The following SIRPB1 variants were observed in gnomAD, a reference collection of about 807,000 sequenced individuals.
The protein encoded by SIRPB1 is signal-regulatory protein beta-1.
Under a neutral mutation model 34.1 loss-of-function variants are expected in SIRPB1, and 28 were observed. The ratio of observed to expected loss-of-function variants is 0.82; its 90% confidence interval spans 0.61 to 1.12. The LOEUF is 1.12. SIRPB1 is among the 50% of genes most tolerant of loss of function. SIRPB1 has a pLI of 0.00. For synonymous variants in SIRPB1, 211 were observed against 203.8 expected, an observed-to-expected ratio of 1.04 and a Z score of -0.30; for missense variants, 499 against 507.0, an observed-to-expected ratio of 0.98 and a Z score of 0.15.
In SIRPB1 at chr20:1,562,439, C is replaced by A. The variant is rs1600083098; in HGVS notation, c.*3061G>T. Among the ~76,000 whole-genome samples, 1 of 151,930 alleles carries A rather than the reference C, an allele frequency of 6.6e-6. No homozygotes were observed. The highest frequency in any genetic ancestry group is 2.1e-4 in the South Asian group (1 of 4,820). On this transcript the variant is annotated 3_prime_UTR_variant, in exon 6 of 6. Coordinates refer to ENST00000381605, the MANE Select transcript of SIRPB1 (RefSeq NM_006065.5). Reference sequence around the variant, plus strand: ...ACTGAGGATACAGATAATCCTCCCCCACCCCCAACCCCCCACGATATAACT... The same window carrying A: ...ACTGAGGATACAGATAATCCTCCCCAACCCCCAACCCCCCACGATATAACT...
intron 1 of SIRPB1, among the ~76,000 whole-genome samples, chr20:1,619,065 G>A (rs1176250688): frequency 1.3e-5 from 2 of 152,180 alleles, no homozygotes; most frequent in African/African-American, 4.8e-5. Flanking sequence ...CACACACAGA[G>A]GAAGATCATG....
intron 1 of SIRPB1, among the ~76,000 whole-genome samples, chr20:1,617,996 T>TAC (rs202130637): frequency 1.9e-4 from 29 of 152,030 alleles, no homozygotes; most frequent in African/African-American, 3.1e-4. Context: ...TATGTATATA[T>TAC]ACACACACAC....
intron 2 of SIRPB1, among the ~76,000 whole-genome samples, chr20:1,577,795 C>T (rs1338341290): frequency 1.4e-5 from 2 of 146,850 alleles, no homozygotes; most frequent in East Asian, 1.9e-4. Flanking sequence ...CCACGATTTA[C>T]CCTCTCCATG....
chr20:1,576,816 T>C (rs2091318463), intron 2 of SIRPB1, among the ~76,000 whole-genome samples: 1 of 148,166 alleles, frequency 6.7e-6, no homozygotes, highest in Admixed American at 6.7e-5. Context: ...AGAAGGGAAA[T>C]TAGGCAATAT....
chr20:1,605,594 C>T (rs779532573), intron 1 of SIRPB1, among the ~76,000 whole-genome samples: 1,438 of 44,276 alleles, frequency 0.032, 174 homozygotes, highest in Middle Eastern at 0.11. Flanking sequence ...CCTGGGATGT[C>T]GCCAGGATTC....
At position 1,619,861 on chromosome 20, in the gene SIRPB1, G is replaced by C; in HGVS notation, c.76+8C>G. Reference sequence around the variant, plus strand: ...GGAAAAAAGATTTTAACCGAAGGCAGTGCTCACCTGTGAGTCTCCCCAGCA... The same window carrying C: ...GGAAAAAAGATTTTAACCGAAGGCACTGCTCACCTGTGAGTCTCCCCAGCA... On this transcript the variant is annotated splice_region_variant and intron_variant, in intron 1 of 5. Coordinates refer to ENST00000381605, the MANE Select transcript of SIRPB1 (RefSeq NM_006065.5). The C allele has an allele frequency of 6.2e-7, 1 of 1,603,136 alleles. No homozygotes were observed. Among genetic ancestry groups the C allele is most frequent in the Non-Finnish European group, 8.5e-7 (1 of 1,170,692 alleles).
At chr20:1,577,098 A>G (rs2243425) in intron 2 of SIRPB1, among the ~76,000 whole-genome samples, 116,591 of 147,530 alleles carry the variant, frequency 0.79, 48,866 homozygotes, top group African/African-American at 0.91. Context: ...CAGGGCTTAC[A>G]TTTGGGAGAA....
At chr20:1,617,025 TA>T (rs1163626413) in intron 1 of SIRPB1, among the ~76,000 whole-genome samples, 2 of 152,148 alleles carry the variant, frequency 1.3e-5, no homozygotes, top group African/African-American at 2.4e-5. Context: ...ATGGCTACTA[TA>T]AAAAAGATGA....
At chr20:1,570,753 G>T in intron 4 of SIRPB1, 52 bp downstream of exon 4, 1 of 1,365,834 alleles carries the variant, frequency 7.3e-7, no homozygotes, top group Non-Finnish European at 1.0e-6. Context: ...CATGAATATT[G>T]CTTTTAACAT....
intron 1 of SIRPB1, among the ~76,000 whole-genome samples, chr20:1,619,214 C>A (rs1005953191): frequency 6.6e-6 from 1 of 152,128 alleles, no homozygotes; most frequent in African/African-American, 2.4e-5. Context: ...TTTCAGCCAC[C>A]CAGCCTGCAG....
rs114460475 is a variant in SIRPB1, at chr20:1,570,156, A to G, written c.1084+649T>C. 8.5e-3 allele frequency among the ~76,000 whole-genome samples: 1,289 copies of G among 152,344 alleles called. 26 individuals carry two copies. The highest frequency in any genetic ancestry group is 0.03 in the African/African-American group (1,250 of 41,586). On this transcript the variant is annotated intron_variant, in intron 4 of 5. Coordinates refer to ENST00000381605, the MANE Select transcript of SIRPB1 (RefSeq NM_006065.5). ...TGGTTTCCCCTTTGGTAAAACTCCA[A>G]GCTCACTGGGTGTTTGAAGCAGGAA... is the stretch of plus-strand genomic sequence containing the variant.
At chr20:1,568,547 A>G (rs2091176397) in intron 4 of SIRPB1, among the ~76,000 whole-genome samples, 1 of 152,176 alleles carries the variant, frequency 6.6e-6, no homozygotes, top group Non-Finnish European at 1.5e-5. Context: ...GAGAAGTACA[A>G]CTATGAACCC....
rs1159376801 is a variant in SIRPB1, at chr20:1,562,443, C to T, written c.*3057G>A. 6.6e-6 allele frequency among the ~76,000 whole-genome samples: 1 copy of T among 152,036 alleles called. No homozygotes were observed. On this transcript the variant is annotated 3_prime_UTR_variant, in exon 6 of 6. Coordinates refer to ENST00000381605, the MANE Select transcript of SIRPB1 (RefSeq NM_006065.5). ...AGGATACAGATAATCCTCCCCCACC[C>T]CCAACCCCCCACGATATAACTGACA...
rs1448312564 is a variant in SIRPB1 at position 1,601,568 on chromosome 20, G to A, written c.76+18301C>T. Among the ~76,000 whole-genome samples the A allele has an allele frequency of 6.1e-5, 3 of 49,108 alleles. 1 individual carries two copies. Among genetic ancestry groups the A allele is most frequent in the Non-Finnish European group, 1.2e-4 (3 of 25,512 alleles). The allele number at this position is 49,108 out of a possible 152,430, so 32.2% of individuals were successfully genotyped here. ...GGCTGCCACGCTGCTGGTGCAGTAT[G>A]TCACATAAGGCATCTTGCATGTTGT... is the stretch of plus-strand genomic sequence containing the variant. On this transcript the variant is annotated intron_variant, in intron 1 of 5. Transcript: ENST00000381605.
rs1369322983 is a variant in SIRPB1 at position 1,564,351 on chromosome 20, G to A, written c.*1149C>T. The A allele has an allele frequency of 6.6e-6, 1 of 152,168 alleles. No individual in the cohort carries two copies. The highest frequency in any genetic ancestry group is 1.5e-5 in the Non-Finnish European group (1 of 68,036). 9.4% of individuals were successfully genotyped at this position (152,168 alleles called of 1,614,324 possible). A position where few individuals can be genotyped will look rare whatever the true frequency, so the allele number is the denominator to read the frequency against. ...AGGATAAGAGAAATTAGAATGCCGG[G>A]ATAGAGAAAATAAATAATATTTTAT... On this transcript the variant is annotated 3_prime_UTR_variant, in exon 6 of 6. Transcript: ENST00000381605.
Position 1,592,109 on chromosome 20 carries a change from C to A in SIRPB1, c.77-13415G>T, listed in dbSNP as rs886182833. Among the ~76,000 whole-genome samples the A allele has an allele frequency of 1.4e-4, 7 of 49,600 alleles. 3 individuals are homozygous for A. Among genetic ancestry groups the A allele is most frequent in the African/African-American group, 9.3e-4 (7 of 7,564 alleles). 32.5% of individuals were successfully genotyped at this position (49,600 alleles called of 152,430 possible). Reference sequence around the variant, plus strand: ...GTTTCCTCAGGCCTCCCCAGCCATGCAGAACTGTGAGTCAATTACACCTCT... The same window carrying A: ...GTTTCCTCAGGCCTCCCCAGCCATGAAGAACTGTGAGTCAATTACACCTCT... On this transcript the variant is annotated intron_variant, in intron 1 of 5. Coordinates refer to ENST00000381605, the MANE Select transcript of SIRPB1 (RefSeq NM_006065.5).
chr20:1,577,032 G>A (rs902219500), intron 2 of SIRPB1, among the ~76,000 whole-genome samples: 8 of 148,182 alleles, frequency 5.4e-5, no homozygotes, highest in Non-Finnish European at 7.6e-5. Flanking sequence ...TTTTTCAGCT[G>A]TAAAAAAACT....
At chr20:1,569,267 C>T (rs981754485) in intron 4 of SIRPB1, among the ~76,000 whole-genome samples, 1 of 152,110 alleles carries the variant, frequency 6.6e-6, no homozygotes, top group African/African-American at 2.4e-5. Flanking sequence ...TAAATTAAAA[C>T]CAAATTTAAC....
chr20:1,563,906 T>G lies in SIRPB1; in HGVS notation c.*1594A>C, dbSNP rs2091098565. The G allele has an allele frequency of 6.6e-6, 1 of 152,262 alleles. No individual in the cohort carries two copies. Among genetic ancestry groups the G allele is most frequent in the Non-Finnish European group, 1.5e-5 (1 of 68,012 alleles). The allele number at this position is 152,262 out of a possible 1,614,324, so 9.4% of individuals were successfully genotyped here. On this transcript the variant is annotated 3_prime_UTR_variant, in exon 6 of 6. Transcript: ENST00000381605. ...GGCCCATCCCACAACACATGCAGAT[T>G]ACAATTTAAGATGAGATTTGGATGG...
Sources: allele counts gnomAD v4.1 joint callset (sites outside exome capture counted in the v4.1 genomes callset), GRCh38; gene constraint gnomAD v4.1.1; transcripts MANE v1.5; gene names NCBI Gene and HGNC (gene_info 2026-07-23, HGNC 2026-07-21).